RSRC1: variants seen among roughly 807,000 people sequenced by gnomAD.
RSRC1 encodes arginine and serine rich coiled-coil 1, also known as serine/Arginine-related protein 53.
Under a neutral mutation model 49.1 loss-of-function variants are expected in RSRC1, and 39 were observed. That is an observed-to-expected ratio of 0.79 (90% CI 0.61 to 1.04). The LOEUF is 1.04. RSRC1 is among the 50% of genes least tolerant of loss of function. RSRC1 has a pLI of 0.00. For missense variants in RSRC1, 388 were observed against 402.4 expected, an observed-to-expected ratio of 0.96 and a Z score of 0.31; for synonymous variants, 143 against 130.8, an observed-to-expected ratio of 1.09 and a Z score of -0.63.
intron 7 of RSRC1, among the ~76,000 whole-genome samples, chr3:158,529,851 C>G (rs1052243083): frequency 7.9e-5 from 12 of 151,986 alleles, no homozygotes; most frequent in Non-Finnish European, 1.6e-4. Flanking sequence ...TCTCCCATCT[C>G]TTTAGTCACT....
intron 7 of RSRC1, among the ~76,000 whole-genome samples, chr3:158,496,270 A>G (rs1739316632): frequency 6.6e-6 from 1 of 152,144 alleles, no homozygotes; most frequent in South Asian, 2.1e-4. Flanking sequence ...TTCTGTTTAA[A>G]CAGGATAGAC....
At chr3:158,541,882 C>G (rs1713050834) in intron 8 of RSRC1, among the ~76,000 whole-genome samples, 1 of 152,080 alleles carries the variant, frequency 6.6e-6, no homozygotes, top group Admixed American at 6.5e-5. Context: ...TAAGTAAGCA[C>G]TACTCTGCTG....
chr3:158,181,677 T>A (rs1719631703), intron 3 of RSRC1, among the ~76,000 whole-genome samples: 1 of 152,246 alleles, frequency 6.6e-6, no homozygotes, highest in Non-Finnish European at 1.5e-5. Flanking sequence ...GTAGGTATTC[T>A]ATTTTGTTGG....
chr3:158,229,226 G>A (rs1186330871), intron 4 of RSRC1, among the ~76,000 whole-genome samples: 2 of 149,686 alleles, frequency 1.3e-5, no homozygotes, highest in African/African-American at 2.5e-5. Flanking sequence ...ACACATACAC[G>A]TATATGTGTA....
chr3:158,143,130 G>A (rs1716856425), intron 3 of RSRC1, among the ~76,000 whole-genome samples: 1 of 152,116 alleles, frequency 6.6e-6, no homozygotes. Flanking sequence ...GCATCGTCAG[G>A]TATATGCTAG....
chr3:158,174,899 T>C (rs1719108744), intron 3 of RSRC1, among the ~76,000 whole-genome samples: 2 of 152,206 alleles, frequency 1.3e-5, no homozygotes, highest in South Asian at 4.1e-4. Context: ...AGAATATGTG[T>C]ATGTCCAACT....
chr3:158,276,198 A>T, intron 4 of RSRC1: 1 of 815,338 alleles, frequency 1.2e-6, no homozygotes, highest in South Asian at 1.3e-5. Context: ...ACCCTTAGGA[A>T]CTGGGCATTT....
At chr3:158,527,783 C>T (rs114627892) in intron 7 of RSRC1, among the ~76,000 whole-genome samples, 2,577 of 151,874 alleles carry the variant, frequency 0.017, 75 homozygotes, top group African/African-American at 0.059. Context: ...GTAGCTGTTC[C>T]ACCCTTGCAA....
chr3:158,185,013 T>C (rs1719846468), intron 3 of RSRC1, among the ~76,000 whole-genome samples: 1 of 111,812 alleles, frequency 8.9e-6, no homozygotes, highest in African/African-American at 3.7e-5. Context: ...TTTACAATCA[T>C]ATTTGTTGTT....
chr3:158,231,365 C>A (rs1279375333), intron 4 of RSRC1, among the ~76,000 whole-genome samples: 1 of 151,692 alleles, frequency 6.6e-6, no homozygotes, highest in Non-Finnish European at 1.5e-5. Context: ...CAAACTCCTG[C>A]ACTCAAGCGA....
chr3:158,261,185 A>G (rs968860654), intron 4 of RSRC1, among the ~76,000 whole-genome samples: 1 of 152,166 alleles, frequency 6.6e-6, no homozygotes, highest in Non-Finnish European at 1.5e-5. Context: ...CAGATTGCCA[A>G]ATTATTTTCC....
rs1022546006 is a variant in RSRC1 at position 158,545,031 on chromosome 3, GT to G, written c.*760del. 2.0e-5 allele frequency: 3 copies of G among 152,062 alleles called. No homozygotes were observed. Among genetic ancestry groups the G allele is most frequent in the Non-Finnish European group, 4.4e-5 (3 of 68,018 alleles). The allele number at this position is 152,062 out of a possible 1,614,324, so 9.4% of individuals were successfully genotyped here. Reference sequence around the variant, plus strand: ...TCCCTGTGGAGAAAGCCGGCTAATTGTTTTGATAAGGCTATCTGCCATTGTA... The same window carrying G: ...TCCCTGTGGAGAAAGCCGGCTAATTGTTTGATAAGGCTATCTGCCATTGTA... On this transcript the variant is annotated 3_prime_UTR_variant, in exon 10 of 10. Coordinates refer to ENST00000611884, the MANE Select transcript of RSRC1 (RefSeq NM_001271838.2).
intron 3 of RSRC1, among the ~76,000 whole-genome samples, chr3:158,155,819 T>C (rs772853254): frequency 1.1e-4 from 17 of 152,158 alleles, no homozygotes; most frequent in Non-Finnish European, 2.4e-4. Flanking sequence ...AACCATGTTG[T>C]AAACTTACAT....
At chr3:158,518,101 T>C (rs1265388819) in intron 7 of RSRC1, among the ~76,000 whole-genome samples, 2 of 37,800 alleles carry the variant, frequency 5.3e-5, no homozygotes, top group East Asian at 7.9e-4. Flanking sequence ...CGTGCGTGTG[T>C]GTGTGTGTGT....
intron 3 of RSRC1, among the ~76,000 whole-genome samples, chr3:158,166,264 C>G (rs1718527833): frequency 6.6e-6 from 1 of 152,006 alleles, no homozygotes; most frequent in Admixed American, 6.6e-5. Flanking sequence ...AATAGTGTGT[C>G]ATTCTTTATA....
At chr3:158,279,706 T>C (rs369560106) in intron 4 of RSRC1, among the ~76,000 whole-genome samples, 3 of 152,366 alleles carry the variant, frequency 2.0e-5, no homozygotes, top group African/African-American at 7.2e-5. Context: ...TGTCACTTTA[T>C]GTGAACTAGA....
intron 3 of RSRC1, among the ~76,000 whole-genome samples, chr3:158,178,368 G>A (rs9290022): frequency 0.63 from 95,840 of 151,936 alleles, 30,855 homozygotes; most frequent in East Asian, 0.73. Context: ...TCAATCTCTG[G>A]CCTCAAGTGA....
intron 7 of RSRC1, among the ~76,000 whole-genome samples, chr3:158,511,842 G>C (rs1740202521): frequency 6.6e-6 from 1 of 151,942 alleles, no homozygotes; most frequent in South Asian, 2.1e-4. Context: ...GTATCTCATT[G>C]TGGTTTTGAT....
intron 4 of RSRC1, among the ~76,000 whole-genome samples, chr3:158,271,619 A>G (rs929269842): frequency 2.6e-5 from 4 of 152,168 alleles, no homozygotes; most frequent in Admixed American, 6.5e-5. Context: ...AAAAATAATT[A>G]TATAGCTATC....
Sources: allele counts gnomAD v4.1 joint callset (sites outside exome capture counted in the v4.1 genomes callset), GRCh38; gene constraint gnomAD v4.1.1; transcripts MANE v1.5; gene names NCBI Gene and HGNC (gene_info 2026-07-23, HGNC 2026-07-21).